The following COL5A2 variants were observed in gnomAD, a reference collection of about 807,000 sequenced individuals.
COL5A2 encodes the protein collagen type V alpha 2 chain.
A neutral mutation model predicts 208.2 loss-of-function variants in COL5A2; 23 were observed. The observed-to-expected ratio is 0.11, with a 90% CI of 0.08 to 0.16. The LOEUF (loss-of-function observed/expected upper bound fraction) is 0.16. COL5A2 is among the 10% of genes least tolerant of loss of function. The pLI is 1.00. For missense variants in COL5A2, 1,590 were observed against 1,956.4 expected (o/e 0.81, Z 3.53); for synonymous variants, 625 against 628.5 (o/e 0.99, Z 0.08).
the COL5A2 span, among the ~76,000 whole-genome samples, chr2:189,400,515 A>G: frequency 1.3e-5 from 2 of 152,278 alleles, no homozygotes; most frequent in East Asian, 3.9e-4. Flanking sequence ...TGCAATTGCT[A>G]GTTCCTCCTT....
chr2:189,336,881 A>C, the COL5A2 span, among the ~76,000 whole-genome samples: 1 of 152,238 alleles, frequency 6.6e-6, no homozygotes, highest in Non-Finnish European at 1.5e-5. Context: ...ACATAAAAAA[A>C]CGTAAAAACC....
At chr2:189,311,183 G>T in the COL5A2 span, 2 of 834,182 alleles carry the variant, frequency 2.4e-6, no homozygotes, top group East Asian at 2.6e-5. Flanking sequence ...ACAAAAATGT[G>T]GCCAGACTAT....
the COL5A2 span, among the ~76,000 whole-genome samples, chr2:189,369,275 T>A: frequency 6.6e-6 from 1 of 152,160 alleles, no homozygotes; most frequent in East Asian, 1.9e-4. Context: ...AAGTTTTTTT[T>A]ATTAATATCA....
At chr2:189,247,906 C>T in the COL5A2 span, among the ~76,000 whole-genome samples, 1 of 152,074 alleles carries the variant, frequency 6.6e-6, no homozygotes, top group Non-Finnish European at 1.5e-5. Context: ...TTAAAACTAC[C>T]ACAATATAGC....
the COL5A2 span, among the ~76,000 whole-genome samples, chr2:189,343,542 A>G: frequency 6.6e-6 from 1 of 152,070 alleles, no homozygotes; most frequent in Non-Finnish European, 1.5e-5. Context: ...TTTAAATTAC[A>G]CAAAAAGTTC....
chr2:189,033,698 TA>T lies in COL5A2; in HGVS notation c.*371del, dbSNP rs929298226. 4 of 287,166 alleles carry T rather than the reference TA, an allele frequency of 1.4e-5. No homozygotes were observed. The Admixed American group carries it at 1.9e-4, about 13-fold the overall frequency. 17.8% of individuals were successfully genotyped at this position (287,166 alleles called of 1,614,324 possible). A position where few individuals can be genotyped will look rare whatever the true frequency, so the allele number is the denominator to read the frequency against. ...GCTCTATATACCCCACTCTTTAAGC[TA>T]CCTGCCAGGAAGAAGAATTTCCTCA... On this transcript the variant is annotated 3_prime_UTR_variant, in exon 54 of 54. Coordinates refer to ENST00000374866, the MANE Select transcript of COL5A2 (RefSeq NM_000393.5).
chr2:189,361,147 G>T, the COL5A2 span, among the ~76,000 whole-genome samples: 1 of 152,004 alleles, frequency 6.6e-6, no homozygotes, highest in South Asian at 2.1e-4. Context: ...ATTTAACTCT[G>T]ATTTTTTTGT....
chr2:189,162,659 T>C (rs1688390662), intron 1 of COL5A2, among the ~76,000 whole-genome samples: 1 of 152,202 alleles, frequency 6.6e-6, no homozygotes, highest in African/African-American at 2.4e-5. Flanking sequence ...TATTTGTGGG[T>C]ATACTGGAAT....
the COL5A2 span, among the ~76,000 whole-genome samples, chr2:189,425,067 A>G: frequency 1.3e-5 from 2 of 152,332 alleles, no homozygotes; most frequent in East Asian, 3.9e-4. Context: ...TCTTCAATAA[A>G]TTGTATTGGG....
At chr2:189,192,530 T>C (rs1688944282) in intron 1 of COL5A2, among the ~76,000 whole-genome samples, 1 of 152,218 alleles carries the variant, frequency 6.6e-6, no homozygotes, top group Non-Finnish European at 1.5e-5. Flanking sequence ...GGAACATTCA[T>C]GAATAAGTTT....
chr2:189,060,781 C>T lies in COL5A2; in HGVS notation c.2034G>A (p.Gly678=). ...CAGGAGGCCCTGGAGGACCAGGAAGCCCCTAAAACAAAAGTAAGAAAATAA... is the reference window on the plus strand; with the variant it reads ...CAGGAGGCCCTGGAGGACCAGGAAGTCCCTAAAACAAAAGTAAGAAAATAA... ...QGPPGPTGFQ[G]LPGPPGPPGE... is the part of the protein sequence containing the mutation. Residue 678 remains glycine (G), a splice_region_variant and synonymous_variant, in exon 31 of 54, where the codon GGG becomes GGA. Coordinates refer to ENST00000374866, the MANE Select transcript of COL5A2 (RefSeq NM_000393.5). The T allele has an allele frequency of 6.2e-7, 1 of 1,612,956 alleles. No individual in the cohort carries two copies.
chr2:189,346,193 T>C, the COL5A2 span, among the ~76,000 whole-genome samples: 1 of 152,192 alleles, frequency 6.6e-6, no homozygotes, highest in Non-Finnish European at 1.5e-5. Flanking sequence ...GAAAATTGGA[T>C]TGGGGTCCAC....
At chr2:189,412,435 T>C in the COL5A2 span, among the ~76,000 whole-genome samples, 1 of 152,342 alleles carries the variant, frequency 6.6e-6, no homozygotes, top group African/African-American at 2.4e-5. Context: ...CCACTAAGTT[T>C]ATTTATTAGA....
intron 18 of COL5A2, among the ~76,000 whole-genome samples, chr2:189,069,460 C>G (rs113095681): frequency 2.4e-4 from 36 of 152,282 alleles, no homozygotes; most frequent in Non-Finnish European, 3.5e-4. Context: ...CATTCGGACT[C>G]TTTAACACAA....
intron 8 of COL5A2, 74 bp from the exon 9 acceptor site, chr2:189,086,844 C>T: frequency 7.8e-7 from 1 of 1,274,262 alleles, no homozygotes; most frequent in Non-Finnish European, 1.1e-6. Context: ...AATGTTGAAT[C>T]ATCTCTAGAA....
At chr2:189,138,677 C>T (rs766994064) in intron 1 of COL5A2, among the ~76,000 whole-genome samples, 4 of 151,912 alleles carry the variant, frequency 2.6e-5, no homozygotes, top group South Asian at 2.1e-4. Context: ...ATATACAAAA[C>T]GAACCTAGAA....
chr2:189,142,687 A>G (rs529747755), intron 1 of COL5A2, among the ~76,000 whole-genome samples: 145 of 152,258 alleles, frequency 9.5e-4, no homozygotes, highest in South Asian at 2.7e-3. Context: ...TCTTTATACT[A>G]TGATTACCCT....
intron 1 of COL5A2, among the ~76,000 whole-genome samples, chr2:189,213,134 T>A (rs943737667): frequency 1.7e-4 from 26 of 151,776 alleles, no homozygotes; most frequent in Non-Finnish European, 4.4e-5. Context: ...AGGTGATCCA[T>A]CCACCTCAGC....
the COL5A2 span, among the ~76,000 whole-genome samples, chr2:189,405,447 G>A: frequency 6.6e-6 from 1 of 152,024 alleles, no homozygotes; most frequent in East Asian, 1.9e-4. Flanking sequence ...GGTCAGGCTG[G>A]CTCAAACTCC....
Sources: gnomAD v4.1 joint callset for allele counts (sites outside exome capture counted in the v4.1 genomes callset) on GRCh38, gnomAD v4.1.1 for gene constraint, MANE v1.5 for transcripts, NCBI Gene and HGNC (gene_info 2026-07-23, HGNC 2026-07-21) for gene names.